The following XRCC5 variants were observed in gnomAD, a reference collection of about 807,000 sequenced individuals.
XRCC5 encodes the protein X-ray repair cross complementing 5.
Under a neutral mutation model 95.7 loss-of-function variants are expected in XRCC5, and 12 were observed. The observed-to-expected ratio is 0.13, with a 90% CI of 0.08 to 0.20. The LOEUF (loss-of-function observed/expected upper bound fraction) is 0.20. XRCC5 is among the 10% of genes least tolerant of loss of function. XRCC5 has a pLI of 1.00. For missense variants in XRCC5, 595 were observed against 873.9 expected (o/e 0.68, Z 4.02); for synonymous variants, 281 against 290.3 (o/e 0.97, Z 0.33).
rs752970893 is a variant in XRCC5 at position 216,116,793 on chromosome 2, G to T, written c.270G>T (p.Leu90Phe). 14 of 1,614,016 alleles carry T rather than the reference G, an allele frequency of 8.7e-6. No individual in the cohort carries two copies. The highest frequency in any genetic ancestry group is 1.1e-5 in the Non-Finnish European group (13 of 1,180,008). The change falls in exon 3 of 21, where the codon TTG (leucine) becomes TTT (phenylalanine). Residue 90 changes from leucine (L) to phenylalanine (F), a missense_variant. Around this residue, in one of 2 missense-constraint regions of XRCC5, gnomAD observed 286 missense variants for 491.1 expected, o/e 0.58. Coordinates refer to ENST00000392132, the MANE Select transcript of XRCC5 (RefSeq NM_021141.4). Reference protein sequence around the residue: ...HRHLMLPDFDLLEDIESKIQP... With the variant: ...HRHLMLPDFDFLEDIESKIQP... ...ATCTGATGCTACCAGATTTTGATTT[G>T]CTGGAGGACATTGAAAGCAAAATCC...
In XRCC5 at chr2:216,109,361, T is replaced by G. The variant is rs545847157; in HGVS notation, c.-76T>G. 5.6e-6 allele frequency: 9 copies of G among 1,609,426 alleles called. No homozygotes were observed. The highest frequency in any genetic ancestry group is 4.5e-5 in the East Asian group (2 of 44,672). ...GCGGCTCTTTCCGCTATCTGCCGCTTGTCCACCGGAAGCGAGTTGCGACAC... is the reference window on the plus strand; with the variant it reads ...GCGGCTCTTTCCGCTATCTGCCGCTGGTCCACCGGAAGCGAGTTGCGACAC... On this transcript the variant is annotated 5_prime_UTR_variant, in exon 1 of 21. Transcript: ENST00000392132.
chr2:216,194,057 A>G (rs999142891), intron 18 of XRCC5, among the ~76,000 whole-genome samples: 1 of 152,234 alleles, frequency 6.6e-6, no homozygotes, highest in Admixed American at 6.5e-5. Context: ...GACAAAATGC[A>G]TGGCGTAGTT....
intron 7 of XRCC5, among the ~76,000 whole-genome samples, chr2:216,127,273 C>T (rs77899861): frequency 0.021 from 3,160 of 152,202 alleles, 47 homozygotes; most frequent in Middle Eastern, 0.037. Context: ...AAATATTAGA[C>T]AGTCTGAGGT....
At position 216,178,351 on chromosome 2, in the gene XRCC5, C is replaced by G. The variant is rs141837577; in HGVS notation, c.1835-11874C>G. The stretch of plus-strand genomic sequence containing the variant: ...ATCTCCTTCTTTATTGTCTCCCTCC[C>G]TTTGAAACTCTGCCCATACCCACAT... On this transcript the variant is annotated intron_variant, in intron 16 of 20. Transcript: ENST00000392132. Among the ~76,000 whole-genome samples, 79 of 152,296 alleles carry G rather than the reference C, an allele frequency of 5.2e-4. 1 individual carries two copies. In the East Asian group the frequency reaches 0.014, roughly 26 times the overall value.
rs1184614650 is a variant in XRCC5, at chr2:216,148,321, G to A, written c.1670+45G>A. 4 of 1,551,602 alleles carry A rather than the reference G, an allele frequency of 2.6e-6. No individual in the cohort carries two copies. In the Admixed American group the frequency reaches 8.0e-5, roughly 31 times the overall value. On this transcript the variant is annotated intron_variant, in intron 14 of 20. Coordinates refer to ENST00000392132, the MANE Select transcript of XRCC5 (RefSeq NM_021141.4). ...GCATTTAACATTGGGGTACATAAGA[G>A]TTGTGGTCATTTTAGAGTGGCTCTG...
intron 16 of XRCC5, among the ~76,000 whole-genome samples, chr2:216,165,896 C>T (rs1032438511): frequency 6.6e-6 from 1 of 152,086 alleles, no homozygotes; most frequent in Admixed American, 6.6e-5. Context: ...CTGTCCCCGA[C>T]ATCAGCAGTC....
At chr2:216,171,434 T>C (rs1006465368) in intron 16 of XRCC5, among the ~76,000 whole-genome samples, 1 of 152,284 alleles carries the variant, frequency 6.6e-6, no homozygotes, top group African/African-American at 2.4e-5. Context: ...TAGATGTCTT[T>C]GGAAATGGGA....
chr2:216,187,855 T>TCC (rs1689533744), intron 16 of XRCC5, among the ~76,000 whole-genome samples: 1 of 128,584 alleles, frequency 7.8e-6, no homozygotes, highest in African/African-American at 3.4e-5. Flanking sequence ...TCTCTCTCTC[T>TCC]CTCTCTCCCC....
In XRCC5 at chr2:216,141,256, C is replaced by T; in HGVS notation, c.1413C>T (p.Asp471=). ...TGGCAAAGAAAGATGAGAAGACAGA[C>T]ACCCTTGAAGACTTGTTTCCAACCA... ...MSLAKKDEKT[D]TLEDLFPTTK... The change falls in exon 13 of 21, where the codon GAC becomes GAT. Residue 471 remains aspartate (D), a synonymous_variant. Transcript: ENST00000392132. The T allele has an allele frequency of 6.2e-7, 1 of 1,614,152 alleles. No homozygotes were observed. The highest frequency in any genetic ancestry group is 1.6e-4 in the Middle Eastern group (1 of 6,062).
intron 15 of XRCC5, among the ~76,000 whole-genome samples, chr2:216,161,776 C>T (rs768726858): frequency 4.6e-5 from 7 of 152,212 alleles, no homozygotes; most frequent in Non-Finnish European, 8.8e-5. Context: ...TGAGTGAAAG[C>T]ACAGAGGGCA....
intron 1 of XRCC5, among the ~76,000 whole-genome samples, chr2:216,111,233 G>T (rs1308019303): frequency 6.6e-6 from 1 of 152,070 alleles, no homozygotes; most frequent in Non-Finnish European, 1.5e-5. Context: ...TCAAATATCT[G>T]GGGGGAGGCC....
intron 13 of XRCC5, among the ~76,000 whole-genome samples, chr2:216,145,292 G>T (rs1688604863): frequency 6.6e-6 from 1 of 151,986 alleles, no homozygotes; most frequent in Non-Finnish European, 1.5e-5. Context: ...AGGAGAGAGA[G>T]ATTAATAATT....
intron 16 of XRCC5, among the ~76,000 whole-genome samples, chr2:216,171,945 T>G (rs1254805973): frequency 5.9e-5 from 9 of 152,134 alleles, no homozygotes. Context: ...AATTATAGAG[T>G]TGTGAAATTA....
chr2:216,142,047 G>A (rs929214221), intron 13 of XRCC5, among the ~76,000 whole-genome samples: 19 of 151,662 alleles, frequency 1.3e-4, no homozygotes, highest in Non-Finnish European at 2.5e-4. Context: ...GAATGAGACC[G>A]AGTCTTTAAA....
Position 216,117,741 on chromosome 2 carries a change from C to T in XRCC5, c.320-5C>T. On this transcript the variant is annotated splice_region_variant and splice_polypyrimidine_tract_variant and intron_variant, in intron 3 of 20. Transcript: ENST00000392132. ...TGGTGATATCCCTATCCTTAACTAGCTGAGTCCTGGATGCACTAATCGTGA... is the reference window on the plus strand; with the variant it reads ...TGGTGATATCCCTATCCTTAACTAGTTGAGTCCTGGATGCACTAATCGTGA... The T allele has an allele frequency of 1.2e-6, 2 of 1,613,888 alleles. No individual in the cohort carries two copies. Among genetic ancestry groups the T allele is most frequent in the Non-Finnish European group, 1.7e-6 (2 of 1,179,804 alleles).
intron 16 of XRCC5, among the ~76,000 whole-genome samples, chr2:216,174,693 G>A (rs1456653884): frequency 6.6e-6 from 1 of 152,204 alleles, no homozygotes; most frequent in Non-Finnish European, 1.5e-5. Flanking sequence ...TTTGCAAACT[G>A]TGGCTATGAT....
At chr2:216,137,369 A>G in intron 11 of XRCC5, 144 bp downstream of exon 11, 3 of 945,328 alleles carry the variant, frequency 3.2e-6, no homozygotes, top group Non-Finnish European at 4.3e-6. Context: ...GGCAGGGCCC[A>G]GATTCTCTGT....
chr2:216,127,425 A>C, intron 7 of XRCC5, 111 bp from the exon 8 acceptor site: 1 of 1,243,962 alleles, frequency 8.0e-7, no homozygotes, highest in Non-Finnish European at 1.1e-6. Flanking sequence ...TAATGGAGCT[A>C]GAGTAATTGT....
intron 6 of XRCC5, among the ~76,000 whole-genome samples, chr2:216,123,598 G>A (rs1338871836): frequency 6.6e-6 from 1 of 152,144 alleles, no homozygotes; most frequent in East Asian, 1.9e-4. Context: ...TTGAGGTCAG[G>A]AGTTCGAGAC....
Sources: allele counts gnomAD v4.1 joint callset (sites outside exome capture counted in the v4.1 genomes callset), GRCh38; gene constraint gnomAD v4.1.1; regional missense constraint gnomAD v4.1.1; transcripts MANE v1.5; gene names NCBI Gene and HGNC (gene_info 2026-07-23, HGNC 2026-07-21).